HSDL2: variants seen among roughly 807,000 people sequenced by gnomAD.
The protein encoded by HSDL2 is hydroxysteroid dehydrogenase like 2.
A neutral mutation model predicts 46.3 loss-of-function variants in HSDL2; 27 were observed. That is an observed-to-expected ratio of 0.58 (90% CI 0.43 to 0.80). The LOEUF is 0.80. Ranked by LOEUF, HSDL2 falls within the 30% of genes least tolerant of loss-of-function variation. HSDL2 has a pLI of 0.00. For synonymous variants in HSDL2, 153 were observed against 163.6 expected, an observed-to-expected ratio of 0.94 and a Z score of 0.50; for missense variants, 451 against 502.7, an observed-to-expected ratio of 0.90 and a Z score of 0.98.
intron 6 of HSDL2, 49 bp downstream of exon 6, chr9:112,419,007 T>A: frequency 1.0e-6 from 1 of 953,314 alleles, no homozygotes; most frequent in Non-Finnish European, 1.7e-6. Flanking sequence ...GTATTGTCCT[T>A]GACACTTATT....
chr9:112,380,348 C>T (rs1381064020), intron 1 of HSDL2, among the ~76,000 whole-genome samples, 168 bp downstream of exon 1: 1 of 152,094 alleles, frequency 6.6e-6, no homozygotes, highest in Non-Finnish European at 1.5e-5. Context: ...CACCGAGAAT[C>T]TGCGGTAACG....
chr9:112,405,488 C>T (rs1040870161), intron 2 of HSDL2, 136 bp from the exon 3 acceptor site: 2 of 585,220 alleles, frequency 3.4e-6, no homozygotes, highest in Non-Finnish European at 5.9e-6. Context: ...ATGGTAGAGT[C>T]ACTGGTGGTA....
intron 1 of HSDL2, among the ~76,000 whole-genome samples, chr9:112,382,061 A>C (rs999303194): frequency 6.6e-6 from 1 of 152,150 alleles, no homozygotes; most frequent in Non-Finnish European, 1.5e-5. Context: ...AACGTGGTGA[A>C]ACTCCGTCTC....
intron 6 of HSDL2, among the ~76,000 whole-genome samples, chr9:112,435,180 T>C (rs1374461369): frequency 6.6e-6 from 1 of 152,042 alleles, no homozygotes; most frequent in Non-Finnish European, 1.5e-5. Flanking sequence ...CTAGAAAGAT[T>C]GTTAAAGTAA....
Position 112,416,953 on chromosome 9 carries a change from T to A in HSDL2, c.499+9T>A. The A allele has an allele frequency of 2.9e-6, 4 of 1,362,342 alleles. No homozygotes were observed. The highest frequency in any genetic ancestry group is 4.2e-6 in the Non-Finnish European group (4 of 954,186). The allele number at this position is 1,362,342 out of a possible 1,614,324, so 84.4% of individuals were successfully genotyped here. The stretch of plus-strand genomic sequence containing the variant: ...GTTCAAACAGCACTGTGGTAGGTGG[T>A]AGGTGGTAGGGTGAGGGGATGGTTT... On this transcript the variant is annotated intron_variant, in intron 5 of 10. Coordinates refer to ENST00000398805, the MANE Select transcript of HSDL2 (RefSeq NM_032303.5).
At chr9:112,443,493 C>T (rs971359855) in intron 8 of HSDL2, among the ~76,000 whole-genome samples, 1 of 152,190 alleles carries the variant, frequency 6.6e-6, no homozygotes, top group African/African-American at 2.4e-5. Flanking sequence ...GCTTTCCTAA[C>T]ACTTGAATAC....
rs369997236 is a variant in HSDL2 at position 112,416,852 on chromosome 9, G to T, written c.407G>T (p.Cys136Phe). The change falls in exon 5 of 11, where the codon TGT becomes TTT. Residue 136 changes from cysteine (C) to phenylalanine (F), a missense_variant. Coordinates refer to ENST00000398805, the MANE Select transcript of HSDL2 (RefSeq NM_032303.5). ...TRGTYLASKA[C>F]IPYLKKSKVA... The stretch of plus-strand genomic sequence containing the variant: ...TCTTTTGCTTTCAGATCTAAAGCAT[G>T]TATTCCTTATTTGAAAAAGAGCAAA... 2 of 1,521,558 alleles carry T rather than the reference G, an allele frequency of 1.3e-6. No individual in the cohort carries two copies. The highest frequency in any genetic ancestry group is 2.7e-5 in the African/African-American group (2 of 72,972). The allele number at this position is 1,521,558 out of a possible 1,614,324, so 94.3% of individuals were successfully genotyped here. A position where few individuals can be genotyped will look rare whatever the true frequency, so the allele number is the denominator to read the frequency against.
chr9:112,457,664 A>C (rs973689914), intron 9 of HSDL2, among the ~76,000 whole-genome samples: 1 of 152,114 alleles, frequency 6.6e-6, no homozygotes, highest in Non-Finnish European at 1.5e-5. Flanking sequence ...AAAATCAAGC[A>C]ATCTGCTGTT....
chr9:112,405,990 G>A (rs929941136), intron 3 of HSDL2, among the ~76,000 whole-genome samples: 5 of 151,878 alleles, frequency 3.3e-5, no homozygotes, highest in South Asian at 2.1e-4. Flanking sequence ...GTGAAACCCC[G>A]TCTCTACTAA....
In HSDL2 at chr9:112,441,729, A is replaced by G. The variant is rs1189072244; in HGVS notation, c.824A>G (p.Asp275Gly). ...CCTTTGCAACCAGATTTCTTCTTAG[A>G]TGAATACCCAGAAGCAGTTAGCAAG... ...GHPLQPDFFL[D>G]EYPEAVSKKV... Residue 275 changes from aspartate to glycine, a missense_variant, in exon 8 of 11, where the codon GAT becomes GGT. Transcript: ENST00000398805. The G allele has an allele frequency of 1.9e-6, 3 of 1,612,932 alleles. No individual in the cohort carries two copies. The highest frequency in any genetic ancestry group is 1.3e-5 in the African/African-American group (1 of 74,892).
intron 3 of HSDL2, among the ~76,000 whole-genome samples, chr9:112,408,565 C>T (rs1831786719): frequency 6.6e-6 from 1 of 152,178 alleles, no homozygotes; most frequent in African/African-American, 2.4e-5. Context: ...CTTACACAAA[C>T]ATAGATAGTC....
intron 6 of HSDL2, among the ~76,000 whole-genome samples, chr9:112,428,858 CATA>C (rs1477083643): frequency 6.6e-6 from 1 of 152,098 alleles, no homozygotes; most frequent in African/African-American, 2.4e-5. Flanking sequence ...AAAGTTCTAA[CATA>C]TTATTTTCCC....
chr9:112,451,762 A>T (rs1481870696), intron 8 of HSDL2, among the ~76,000 whole-genome samples: 1 of 151,492 alleles, frequency 6.6e-6, no homozygotes, highest in Non-Finnish European at 1.5e-5. Flanking sequence ...TTTTTTTGGA[A>T]GAGATTTGAA....
At chr9:112,438,297 C>T (rs1164489532) in intron 6 of HSDL2, 134 bp from the exon 7 acceptor site, 3 of 657,336 alleles carry the variant, frequency 4.6e-6, no homozygotes, top group Non-Finnish European at 6.7e-6. Flanking sequence ...GCAATCTGGA[C>T]TTTGTTTTCA....
chr9:112,380,261 G>C, intron 1 of HSDL2, 81 bp downstream of exon 1: 2 of 1,420,866 alleles, frequency 1.4e-6, no homozygotes, highest in South Asian at 2.6e-5. Context: ...GATCGCCCGG[G>C]CTGGCCGGCC....
intron 6 of HSDL2, among the ~76,000 whole-genome samples, chr9:112,427,820 A>T (rs1832287089): frequency 6.6e-6 from 1 of 152,026 alleles, no homozygotes; most frequent in Admixed American, 6.6e-5. Context: ...GCATTATTTT[A>T]TTTATTCATT....
intron 10 of HSDL2, chr9:112,469,666 C>CA (rs398046829): frequency 0.22 from 11,133 of 50,018 alleles, 758 homozygotes; most frequent in Non-Finnish European, 0.25. Flanking sequence ...GACCTTGTCT[C>CA]AAAAAAAAAA....
intron 1 of HSDL2, among the ~76,000 whole-genome samples, chr9:112,382,835 A>C (rs539899940): frequency 2.0e-5 from 3 of 152,070 alleles, no homozygotes; most frequent in Non-Finnish European, 2.9e-5. Context: ...TTCATGTTGC[A>C]TCTGGACTTT....
intron 6 of HSDL2, among the ~76,000 whole-genome samples, chr9:112,427,357 C>T (rs1241775917): frequency 6.6e-6 from 1 of 152,138 alleles, no homozygotes; most frequent in East Asian, 1.9e-4. Flanking sequence ...GCCTGGCCCT[C>T]GCCACATTAT....
Sources: allele counts gnomAD v4.1 joint callset (sites outside exome capture counted in the v4.1 genomes callset), GRCh38; gene constraint gnomAD v4.1.1; transcripts MANE v1.5; gene names NCBI Gene and HGNC (gene_info 2026-07-23, HGNC 2026-07-21).